Variants in PAQR5 observed in about 807,000 individuals in gnomAD.
PAQR5 encodes the protein progestin and adipoQ receptor family member 5.
Under a neutral mutation model 34.5 loss-of-function variants are expected in PAQR5, and 20 were observed. That is an observed-to-expected ratio of 0.58 (90% CI 0.41 to 0.84). PAQR5 has a LOEUF of 0.84. Among genes scored for constraint, PAQR5 ranks in the 40% least tolerant of loss-of-function variants. The pLI is 0.00. For synonymous variants in PAQR5, 131 were observed against 155.6 expected, an observed-to-expected ratio of 0.84 and a Z score of 1.18; for missense variants, 378 against 412.7, an observed-to-expected ratio of 0.92 and a Z score of 0.73.
At chr15:69,329,985 G>A (rs1352541646) in intron 1 of PAQR5, among the ~76,000 whole-genome samples, 1 of 152,108 alleles carries the variant, frequency 6.6e-6, no homozygotes, top group African/African-American at 2.4e-5. Context: ...CCCTGGCCAG[G>A]TAGGTATTAA....
At chr15:69,376,967 C>T (rs368386945) in intron 3 of PAQR5, among the ~76,000 whole-genome samples, 4 of 152,162 alleles carry the variant, frequency 2.6e-5, no homozygotes, top group African/African-American at 9.7e-5. Flanking sequence ...GTGGCTGTCA[C>T]GGGGTCTGTG....
rs1456175488 is a variant in PAQR5 at position 69,299,406 on chromosome 15, C to T, written c.-277+350C>T. On this transcript the variant is annotated intron_variant, in intron 1 of 8. Transcript: ENST00000395407. The stretch of plus-strand genomic sequence containing the variant: ...CCGCTTATCCTTCCTCCACCGCCCC[C>T]CTCCCGCCGCCCCCACTTTAATAAA... Among the ~76,000 whole-genome samples the T allele has an allele frequency of 2.6e-5, 4 of 152,340 alleles. No individual in the cohort carries two copies. The East Asian group carries it at 5.8e-4, about 22-fold the overall frequency.
At chr15:69,400,140 TCTG>T (rs1279218149) in intron 8 of PAQR5, 25 bp downstream of exon 8, 1 of 1,602,634 alleles carries the variant, frequency 6.2e-7, no homozygotes, top group African/African-American at 1.3e-5. Context: ...GCCCTGCTGC[TCTG>T]CTCATTGCCC....
chr15:69,321,748 T>G (rs2054100858), intron 1 of PAQR5, among the ~76,000 whole-genome samples: 1 of 152,186 alleles, frequency 6.6e-6, no homozygotes, highest in Non-Finnish European at 1.5e-5. Context: ...GGCCAGACCC[T>G]GCCTCTAGGG....
chr15:69,344,159 C>G (rs1279365596), intron 2 of PAQR5, among the ~76,000 whole-genome samples: 1 of 152,178 alleles, frequency 6.6e-6, no homozygotes, highest in Non-Finnish European at 1.5e-5. Context: ...TTTAGGAACT[C>G]TTAGGCACAC....
At chr15:69,300,956 T>C (rs1326457379) in intron 1 of PAQR5, among the ~76,000 whole-genome samples, 2 of 46,626 alleles carry the variant, frequency 4.3e-5, no homozygotes, top group African/African-American at 1.5e-4. Context: ...TCCTTCTTTC[T>C]TTCTTTCTTT....
At chr15:69,303,164 T>C (rs1393942506) in intron 1 of PAQR5, among the ~76,000 whole-genome samples, 1 of 152,182 alleles carries the variant, frequency 6.6e-6, no homozygotes, top group African/African-American at 2.4e-5. Context: ...TTTCTCAGTA[T>C]ACAGATGGGG....
intron 3 of PAQR5, among the ~76,000 whole-genome samples, chr15:69,371,094 CTA>C (rs2055547968): frequency 6.6e-6 from 1 of 151,978 alleles, no homozygotes; most frequent in African/African-American, 2.4e-5. Flanking sequence ...AATTTGTGGT[CTA>C]TTGACAATGA....
chr15:69,387,982 G>A (rs530931418), intron 5 of PAQR5, among the ~76,000 whole-genome samples: 7 of 152,152 alleles, frequency 4.6e-5, no homozygotes, highest in South Asian at 4.1e-4. Context: ...GAACAACTCC[G>A]GAGCACAGAA....
chr15:69,375,266 C>T (rs894764957), intron 3 of PAQR5, among the ~76,000 whole-genome samples: 1 of 152,186 alleles, frequency 6.6e-6, no homozygotes, highest in African/African-American at 2.4e-5. Flanking sequence ...AGAGTCACCA[C>T]TCTGTGGGTG....
intron 3 of PAQR5, among the ~76,000 whole-genome samples, chr15:69,367,251 A>G (rs1470778581): frequency 6.6e-6 from 1 of 151,422 alleles, no homozygotes; most frequent in East Asian, 1.9e-4. Context: ...CTTTCTTTGG[A>G]TTGAGTTTTA....
rs188874009 is a variant in PAQR5, at chr15:69,365,168, G to A, written c.51+5037G>A. Among the ~76,000 whole-genome samples, 374 of 149,842 alleles carry A rather than the reference G, an allele frequency of 2.5e-3. 2 individuals carry two copies. The highest frequency in any genetic ancestry group is 9.0e-3 in the African/African-American group (365 of 40,616). On this transcript the variant is annotated intron_variant, in intron 3 of 8. Transcript: ENST00000395407. ...GTCACCCAGGCTGGAGTGCAGTGGC[G>A]CAATCTCGGCTCACCGCAACCTCTG...
At chr15:69,377,724 C>G (rs1274394155) in intron 3 of PAQR5, among the ~76,000 whole-genome samples, 1 of 68,162 alleles carries the variant, frequency 1.5e-5, no homozygotes, top group African/African-American at 3.2e-5. Context: ...TTAAACGCTT[C>G]ACTTTTCTCA....
At chr15:69,309,170 C>T (rs2053778664) in intron 1 of PAQR5, among the ~76,000 whole-genome samples, 1 of 152,070 alleles carries the variant, frequency 6.6e-6, no homozygotes, top group African/African-American at 2.4e-5. Context: ...CCCGGGAGAG[C>T]CTGCAGACTG....
intron 8 of PAQR5, among the ~76,000 whole-genome samples, chr15:69,402,870 C>T (rs2056676980): frequency 6.6e-6 from 1 of 152,224 alleles, no homozygotes; most frequent in Non-Finnish European, 1.5e-5. Flanking sequence ...GTTTTCTCAC[C>T]AACCACCCAG....
chr15:69,402,803 C>T (rs2056675095), intron 8 of PAQR5, among the ~76,000 whole-genome samples: 1 of 152,380 alleles, frequency 6.6e-6, no homozygotes, highest in East Asian at 1.9e-4. Context: ...CGCCTCCTTA[C>T]TCCTGGGGTC....
At position 69,399,620 on chromosome 15, in the gene PAQR5, A is replaced by AT. The variant is rs147106884; in HGVS notation, c.610-348dup. Among the ~76,000 whole-genome samples, 1,152 of 152,262 alleles carry AT rather than the reference A, an allele frequency of 7.6e-3. 21 individuals are homozygous for AT. Among genetic ancestry groups the AT allele is most frequent in the African/African-American group, 0.026 (1,074 of 41,530 alleles). ...GAAAGAATACCAATTATCTAATAGGATTTTTTGTCTTTCTTTTCCTTTCCC... is the reference window on the plus strand; with the variant it reads ...GAAAGAATACCAATTATCTAATAGGATTTTTTTGTCTTTCTTTTCCTTTCCC... On this transcript the variant is annotated intron_variant, in intron 7 of 8. Transcript: ENST00000395407.
intron 1 of PAQR5, among the ~76,000 whole-genome samples, chr15:69,327,388 C>G (rs2140646270): frequency 1.3e-5 from 2 of 152,210 alleles, no homozygotes; most frequent in South Asian, 4.1e-4. Context: ...GTAGCTACCC[C>G]ACAGTATTCA....
chr15:69,317,896 C>T (rs1394224192), intron 1 of PAQR5, among the ~76,000 whole-genome samples: 2 of 152,184 alleles, frequency 1.3e-5, no homozygotes, highest in African/African-American at 4.8e-5. Context: ...TCTGCTGTCT[C>T]TGGGGACATC....
Sources: allele counts gnomAD v4.1 joint callset (sites outside exome capture counted in the v4.1 genomes callset), GRCh38; gene constraint gnomAD v4.1.1; transcripts MANE v1.5; gene names NCBI Gene and HGNC (gene_info 2026-07-23, HGNC 2026-07-21).